The following TMEM150C variants were observed in gnomAD, a reference collection of about 807,000 sequenced individuals.
TMEM150C encodes the protein tentonin 3.
A neutral mutation model predicts 29.9 loss-of-function variants in TMEM150C; 10 were observed. That is an observed-to-expected ratio of 0.33 (90% CI 0.21 to 0.57). The LOEUF (loss-of-function observed/expected upper bound fraction) is 0.57, where lower values mean the gene tolerates loss of function less well. Among genes scored for constraint, TMEM150C ranks in the 20% least tolerant of loss-of-function variants. The pLI, the probability that TMEM150C is intolerant of heterozygous loss-of-function variation, is 0.88. For missense variants in TMEM150C, 251 were observed against 303.6 expected (o/e 0.83, Z 1.29); for synonymous variants, 101 against 112.5 (o/e 0.90, Z 0.64).
intron 1 of TMEM150C, among the ~76,000 whole-genome samples, chr4:82,541,466 A>G (rs1725199799): frequency 6.6e-6 from 1 of 152,186 alleles, no homozygotes; most frequent in South Asian, 2.1e-4. Context: ...AGAAAAGGAA[A>G]AGGATGTTGA....
rs1211608470 is a variant in TMEM150C at position 82,485,360 on chromosome 4, C to T, written c.*151G>A. On this transcript the variant is annotated 3_prime_UTR_variant, in exon 8 of 8. Coordinates refer to ENST00000449862, the MANE Select transcript of TMEM150C (RefSeq NM_001080506.3). ...GTGCTTTTTCATTAAAGAAATAACT[C>T]GCCCTGAAAAGCTCATTTGGCAAAT... 7 of 636,818 alleles carry T rather than the reference C, an allele frequency of 1.1e-5. No individual in the cohort carries two copies. Among genetic ancestry groups the T allele is most frequent in the South Asian group, 2.0e-5 (1 of 50,754 alleles). The allele number at this position is 636,818 out of a possible 1,614,324, so 39.4% of individuals were successfully genotyped here. A position where few individuals can be genotyped will look rare whatever the true frequency, so the allele number is the denominator to read the frequency against.
At chr4:82,538,189 C>G (rs559182601) in intron 1 of TMEM150C, among the ~76,000 whole-genome samples, 22 of 152,288 alleles carry the variant, frequency 1.4e-4, no homozygotes, top group African/African-American at 5.1e-4. Context: ...TCCTGAGTAG[C>G]TGGCACTACA....
Position 82,502,174 on chromosome 4 carries a change from A to G in TMEM150C, c.235+553T>C, listed in dbSNP as rs1723757918. Among the ~76,000 whole-genome samples the G allele has an allele frequency of 2.0e-5, 3 of 152,202 alleles. No individual in the cohort carries two copies. In the South Asian group the frequency reaches 6.2e-4, roughly 32 times the overall value. On this transcript the variant is annotated intron_variant, in intron 5 of 7. Coordinates refer to ENST00000449862, the MANE Select transcript of TMEM150C (RefSeq NM_001080506.3). ...CAGGAGGGTCTTGGGCCCCAAAGAA[A>G]AAGGAACTGGGGCTAGATATGAGTA...
At chr4:82,504,828 A>C (rs1723860204) in intron 1 of TMEM150C, among the ~76,000 whole-genome samples, 161 bp from the exon 2 acceptor site, 1 of 152,126 alleles carries the variant, frequency 6.6e-6, no homozygotes, top group Non-Finnish European at 1.5e-5. Flanking sequence ...CAGGAGATCG[A>C]GACCATCCTG....
At chr4:82,491,573 C>T (rs1723347912) in intron 6 of TMEM150C, 9 of 658,134 alleles carry the variant, frequency 1.4e-5, no homozygotes, top group South Asian at 1.3e-4. Flanking sequence ...TGGCCTCCTG[C>T]TTCTTCATGA....
intron 1 of TMEM150C, among the ~76,000 whole-genome samples, chr4:82,550,604 C>T (rs1340291765): frequency 1.3e-5 from 2 of 151,818 alleles, no homozygotes; most frequent in Admixed American, 6.6e-5. Context: ...ATCAAGACCA[C>T]GGTGAAACCC....
At chr4:82,513,137 T>C (rs1724183047) in intron 1 of TMEM150C, among the ~76,000 whole-genome samples, 1 of 152,236 alleles carries the variant, frequency 6.6e-6, no homozygotes, top group East Asian at 1.9e-4. Flanking sequence ...CCGTGCCTCC[T>C]GATGGGAAGA....
intron 1 of TMEM150C, among the ~76,000 whole-genome samples, chr4:82,557,734 CTTTTT>C (rs767919077): frequency 7.6e-6 from 1 of 131,374 alleles, no homozygotes; most frequent in Non-Finnish European, 1.6e-5. Context: ...TTTTCTTTTT[CTTTTT>C]TTTTTTTTTT....
At chr4:82,513,329 C>T (rs1724190935) in intron 1 of TMEM150C, among the ~76,000 whole-genome samples, 1 of 152,156 alleles carries the variant, frequency 6.6e-6, no homozygotes, top group Non-Finnish European at 1.5e-5. Flanking sequence ...CAAACTCCAG[C>T]AGACCTGCAG....
intron 1 of TMEM150C, among the ~76,000 whole-genome samples, chr4:82,557,338 C>A (rs990385743): frequency 6.6e-6 from 1 of 152,166 alleles, no homozygotes; most frequent in Non-Finnish European, 1.5e-5. Flanking sequence ...CAGAAACCAA[C>A]AGAGGCAGAG....
chr4:82,507,774 G>A (rs1288417770), intron 1 of TMEM150C, among the ~76,000 whole-genome samples: 8 of 73,394 alleles, frequency 1.1e-4, no homozygotes, highest in Admixed American at 6.5e-4. Context: ...TTTGAGACAC[G>A]ATCTCGCTTT....
intron 6 of TMEM150C, chr4:82,494,989 T>C: frequency 2.7e-6 from 2 of 751,406 alleles, no homozygotes; most frequent in Non-Finnish European, 2.2e-6. Flanking sequence ...CTGTTTTTCT[T>C]AGTACACTGC....
intron 1 of TMEM150C, among the ~76,000 whole-genome samples, chr4:82,508,229 G>A (rs1426480470): frequency 6.6e-6 from 1 of 152,134 alleles, no homozygotes; most frequent in Non-Finnish European, 1.5e-5. Context: ...TTTCCTCCCA[G>A]CTAGAAGAGT....
rs1361267020 is a variant in TMEM150C at position 82,483,956 on chromosome 4, AT to A, written c.*1554del. On this transcript the variant is annotated 3_prime_UTR_variant, in exon 8 of 8. Transcript: ENST00000449862. ...AGGCATGCGCCACCACACCAGGCTA[AT>A]TTTGTATTTTTTTTAGTAGAGACGG... 6.6e-6 allele frequency: 1 copy of A among 151,692 alleles called. No homozygotes were observed. The highest frequency in any genetic ancestry group is 1.5e-5 in the Non-Finnish European group (1 of 67,950). The allele number at this position is 151,692 out of a possible 1,614,324, so 9.4% of individuals were successfully genotyped here. A position where few individuals can be genotyped will look rare whatever the true frequency, so the allele number is the denominator to read the frequency against.
intron 6 of TMEM150C, among the ~76,000 whole-genome samples, chr4:82,490,513 CA>C (rs1723304091): frequency 6.6e-6 from 1 of 152,076 alleles, no homozygotes; most frequent in African/African-American, 2.4e-5. Flanking sequence ...AATGTTTCTA[CA>C]AGCATACACC....
Position 82,496,147 on chromosome 4 carries a change from A to G in TMEM150C, c.284T>C (p.Leu95Ser). The change falls in exon 6 of 8, where the codon TTA becomes TCA. Residue 95 changes from leucine (L) to serine (S), a missense_variant. Coordinates refer to ENST00000449862, the MANE Select transcript of TMEM150C (RefSeq NM_001080506.3). ...LRFIQLKPKVLNPWLNISGLV... is the reference protein window; with the variant it reads ...LRFIQLKPKVSNPWLNISGLV... ...TCCACTAATATTCAGCCACGGGTTTAAAACCTTCGGTTTCAGTTGTATGAA... is the reference window on the plus strand; with the variant it reads ...TCCACTAATATTCAGCCACGGGTTTGAAACCTTCGGTTTCAGTTGTATGAA... 1 of 1,614,022 alleles carries G rather than the reference A, an allele frequency of 6.2e-7. No homozygotes were observed. The highest frequency in any genetic ancestry group is 8.5e-7 in the Non-Finnish European group (1 of 1,179,884).
intron 1 of TMEM150C, among the ~76,000 whole-genome samples, chr4:82,523,077 G>C (rs528301905): frequency 6.6e-6 from 1 of 152,132 alleles, no homozygotes; most frequent in South Asian, 2.1e-4. Flanking sequence ...ATACAGCTTT[G>C]ATGAGTGGAG....
At chr4:82,532,426 G>A (rs756474505) in intron 1 of TMEM150C, among the ~76,000 whole-genome samples, 4 of 152,170 alleles carry the variant, frequency 2.6e-5, no homozygotes, top group Non-Finnish European at 5.9e-5. Flanking sequence ...AGGAAACCAC[G>A]AGGGTGACAA....
chr4:82,495,514 C>A, intron 6 of TMEM150C: 1 of 364,826 alleles, frequency 2.7e-6, no homozygotes, highest in South Asian at 2.4e-5. Flanking sequence ...ATCAGTCAGT[C>A]CAGGTATAGC....
Sources: gnomAD v4.1 joint callset for allele counts (sites outside exome capture counted in the v4.1 genomes callset) on GRCh38, gnomAD v4.1.1 for gene constraint, MANE v1.5 for transcripts, NCBI Gene and HGNC (gene_info 2026-07-23, HGNC 2026-07-21) for gene names.